The following CDR2 variants were observed in gnomAD, a reference collection of about 807,000 sequenced individuals.
The protein encoded by CDR2 is cerebellar degeneration related protein 2, also known as cerebellar degeneration-related protein 2.
In CDR2, 34 loss-of-function variants were observed where a neutral mutation model predicts 48.4. The ratio of observed to expected loss-of-function variants is 0.70; its 90% CI spans 0.53 to 0.94. The LOEUF (loss-of-function observed/expected upper bound fraction) is 0.94, where lower values mean the gene tolerates loss of function less well. Ranked by LOEUF, CDR2 falls within the 40% of genes least tolerant of loss-of-function variation. The probability of loss-of-function intolerance (pLI) is 0.00; values close to 1 mark genes in which losing one functional copy is unlikely to be tolerated. For synonymous variants in CDR2, 240 were observed against 219.7 expected, an observed-to-expected ratio of 1.09 and a Z score of -0.82; for missense variants, 498 against 549.5, an observed-to-expected ratio of 0.91 and a Z score of 0.94.
At chr16:22,355,319 CCCT>C (rs2048968058) in intron 2 of CDR2, among the ~76,000 whole-genome samples, 1 of 152,188 alleles carries the variant, frequency 6.6e-6, no homozygotes, top group Non-Finnish European at 1.5e-5. Flanking sequence ...GCAAGTGCCT[CCCT>C]CCTCTAATGC....
In CDR2 at chr16:22,347,534, G is replaced by A; in HGVS notation, c.796C>T (p.Pro266Ser). Residue 266 changes from proline to serine, a missense_variant, in exon 5 of 5, where the codon CCA (proline) becomes TCA (serine). Transcript: ENST00000268383. ...AGCTTCTCAACTCCATTCACAAATG[G>A]ATGCTCTGACTGCAACATCTGTCGC... is the stretch of plus-strand genomic sequence containing the variant. ...EMRQMLQSEHPFVNGVEKLVP... is the reference protein window; with the variant it reads ...EMRQMLQSEHSFVNGVEKLVP... 1 of 1,614,038 alleles carries A rather than the reference G, an allele frequency of 6.2e-7. No individual in the cohort carries two copies. Among genetic ancestry groups the A allele is most frequent in the Non-Finnish European group, 8.5e-7 (1 of 1,180,036 alleles).
In CDR2 at chr16:22,346,842, T is replaced by C. The variant is rs1188795811; in HGVS notation, c.*123A>G. On this transcript the variant is annotated 3_prime_UTR_variant, in exon 5 of 5. Transcript: ENST00000268383. The stretch of plus-strand genomic sequence containing the variant: ...TTCCTCGTTGTATGCATTTGCTAAA[T>C]AAGCAAAGCAATGAGGCAAACGTCA... The C allele has an allele frequency of 2.8e-6, 3 of 1,082,416 alleles. No homozygotes were observed. Among genetic ancestry groups the C allele is most frequent in the Non-Finnish European group, 4.1e-6 (3 of 740,444 alleles). 67.1% of individuals were successfully genotyped at this position (1,082,416 alleles called of 1,614,324 possible). A position where few individuals can be genotyped will look rare whatever the true frequency, so the allele number is the denominator to read the frequency against.
rs544576053 is a variant in CDR2 at position 22,374,154 on chromosome 16, G to A, written c.79+77C>T. ...CCTGCATCCTCCGCCGCCACAAAAA[G>A]CAACTTTTTAACAGTTTCGCAGCGG... is the stretch of plus-strand genomic sequence containing the variant. On this transcript the variant is annotated intron_variant, in intron 1 of 4. Transcript: ENST00000268383. 73 of 972,826 alleles carry A rather than the reference G, an allele frequency of 7.5e-5. 1 individual carries two copies. The Admixed American group carries it at 1.7e-3, about 23-fold the overall frequency. The allele number at this position is 972,826 out of a possible 1,614,324, so 60.3% of individuals were successfully genotyped here. A position where few individuals can be genotyped will look rare whatever the true frequency, so the allele number is the denominator to read the frequency against.
At chr16:22,347,977 C>T (rs1447961771) in intron 4 of CDR2, among the ~76,000 whole-genome samples, 154 bp from the exon 5 acceptor site, 2 of 151,532 alleles carry the variant, frequency 1.3e-5, no homozygotes, top group African/African-American at 4.9e-5. Context: ...CTCACTTTGT[C>T]GCCAGGCTGG....
At chr16:22,370,276 C>A (rs1054777889) in intron 1 of CDR2, among the ~76,000 whole-genome samples, 2 of 152,112 alleles carry the variant, frequency 1.3e-5, no homozygotes, top group East Asian at 3.8e-4. Flanking sequence ...ATTGGGAAAG[C>A]AGAAAACCTG....
intron 1 of CDR2, among the ~76,000 whole-genome samples, chr16:22,370,138 T>G (rs975665107): frequency 2.0e-5 from 3 of 152,178 alleles, no homozygotes; most frequent in Non-Finnish European, 4.4e-5. Context: ...AGGCAAAAAA[T>G]TAGTACTGGC....
At chr16:22,364,380 A>AT (rs930617689) in intron 2 of CDR2, among the ~76,000 whole-genome samples, 34 of 149,264 alleles carry the variant, frequency 2.3e-4, no homozygotes, top group South Asian at 4.2e-4. Flanking sequence ...AGGAACTATG[A>AT]TTTTTTTTTT....
At chr16:22,363,834 T>C (rs2049027157) in intron 2 of CDR2, among the ~76,000 whole-genome samples, 1 of 152,200 alleles carries the variant, frequency 6.6e-6, no homozygotes, top group Admixed American at 6.5e-5. Flanking sequence ...ACTGAACTAC[T>C]TGAAGGGGAC....
At chr16:22,373,220 G>A (rs1338167013) in intron 1 of CDR2, among the ~76,000 whole-genome samples, 2 of 152,152 alleles carry the variant, frequency 1.3e-5, no homozygotes, top group Non-Finnish European at 2.9e-5. Context: ...AAAAACAGGG[G>A]CCCCACTGGC....
intron 1 of CDR2, among the ~76,000 whole-genome samples, chr16:22,372,935 G>A (rs2049088082): frequency 6.6e-6 from 1 of 152,322 alleles, no homozygotes; most frequent in East Asian, 1.9e-4. Flanking sequence ...AACTAAATGA[G>A]ATGTTAATTT....
rs1329020923 is a variant in CDR2 at position 22,347,827 on chromosome 16, G to A, written c.507-4C>T. The A allele has an allele frequency of 1.3e-6, 2 of 1,599,124 alleles. No homozygotes were observed. The highest frequency in any genetic ancestry group is 1.3e-5 in the African/African-American group (1 of 74,336). On this transcript the variant is annotated splice_polypyrimidine_tract_variant and splice_region_variant and intron_variant, in intron 4 of 4. Transcript: ENST00000268383. ...CACATGATCATACACGAAGTGTCTA[G>A]GGAAAAAAATATTGAAAGAATATAT...
chr16:22,373,825 C>G (rs997729279), intron 1 of CDR2, among the ~76,000 whole-genome samples: 1 of 152,268 alleles, frequency 6.6e-6, no homozygotes, highest in Non-Finnish European at 1.5e-5. Context: ...GCCCTCCACG[C>G]TGGCCATGAA....
intron 2 of CDR2, among the ~76,000 whole-genome samples, chr16:22,354,028 C>G (rs760433946): frequency 1.3e-5 from 2 of 152,182 alleles, no homozygotes; most frequent in Non-Finnish European, 2.9e-5. Context: ...TAAGGAGAAG[C>G]TACTGTCATC....
At chr16:22,349,905 T>C in intron 2 of CDR2, 56 bp from the exon 3 acceptor site, 2 of 1,570,142 alleles carry the variant, frequency 1.3e-6, no homozygotes, top group Non-Finnish European at 8.7e-7. Context: ...CTGCTGTTTC[T>C]TGGCTGGCTG....
In CDR2 at chr16:22,347,196, A is replaced by G; in HGVS notation, c.1134T>C (p.Ala378=). ...TGGCTGCAGCCCTGGAGGTCTGCAC[A>G]GCCTTGTGTGACAGGGAGTCCTGTT... is the stretch of plus-strand genomic sequence containing the variant. ...QEEQDSLSHK[A]VQTSRAAAKD... is the part of the protein sequence containing the mutation. The change falls in exon 5 of 5, where the codon GCT becomes GCC. Residue 378 remains alanine (A), a synonymous_variant. Coordinates refer to ENST00000268383, the MANE Select transcript of CDR2 (RefSeq NM_001802.2). 6.2e-7 allele frequency: 1 copy of G among 1,614,206 alleles called. No homozygotes were observed. The highest frequency in any genetic ancestry group is 8.5e-7 in the Non-Finnish European group (1 of 1,180,042).
chr16:22,352,028 G>A (rs1006205774), intron 2 of CDR2, among the ~76,000 whole-genome samples: 1 of 152,214 alleles, frequency 6.6e-6, no homozygotes, highest in Non-Finnish European at 1.5e-5. Context: ...CAGGCAGATT[G>A]CTTAAGGCAG....
At chr16:22,361,828 A>C (rs1363340623) in intron 2 of CDR2, among the ~76,000 whole-genome samples, 1 of 151,656 alleles carries the variant, frequency 6.6e-6, no homozygotes, top group Non-Finnish European at 1.5e-5. Flanking sequence ...GGAACAAGAG[A>C]CTCATGAATA....
intron 2 of CDR2, among the ~76,000 whole-genome samples, chr16:22,355,551 C>G (rs2048969305): frequency 6.6e-6 from 1 of 152,244 alleles, no homozygotes; most frequent in Admixed American, 6.5e-5. Context: ...TAGGAGACCA[C>G]TGGTTTGGAC....
chr16:22,374,066 T>TGCGGGCGGGATCCGCGGGC (rs1437935625), intron 1 of CDR2, among the ~76,000 whole-genome samples, 165 bp downstream of exon 1: 2 of 152,228 alleles, frequency 1.3e-5, no homozygotes, highest in Non-Finnish European at 2.9e-5. Flanking sequence ...CGAGGCTTCC[T>TGCGGGCGGGATCCGCGGGC]GCGGGCGGGA....
Sources: gnomAD v4.1 joint callset for allele counts (sites outside exome capture counted in the v4.1 genomes callset) on GRCh38, gnomAD v4.1.1 for gene constraint, MANE v1.5 for transcripts, NCBI Gene and HGNC (gene_info 2026-07-23, HGNC 2026-07-21) for gene names.